ZNF99: variants seen among roughly 807,000 people sequenced by gnomAD.
The protein encoded by ZNF99 is zinc finger protein 99.
ZNF99 carries 8 observed loss-of-function variants against 12.8 expected under a neutral mutation model. The ratio of observed to expected loss-of-function variants is 0.62; its 90% confidence interval spans 0.37 to 1.13. ZNF99 has a LOEUF of 1.13. Among genes scored for constraint, ZNF99 ranks in the 50% most tolerant of loss-of-function variants. The pLI is 0.02. For missense variants in ZNF99, 1,007 were observed against 1,006.2 expected, an observed-to-expected ratio of 1.00 and a Z score of -0.01; for synonymous variants, 318 against 319.0, an observed-to-expected ratio of 1.00 and a Z score of 0.03.
intron 3 of ZNF99, among the ~76,000 whole-genome samples, chr19:22,767,107 C>CAAAAAAAAAA (rs35316902): frequency 3.7e-5 from 3 of 81,748 alleles, no homozygotes; most frequent in Non-Finnish European, 8.5e-5. Context: ...CTGTCTCTAC[C>CAAAAAAAAAA]AAAAAAAAAA....
chr19:22,783,375 A>G (rs927365588), intron 1 of ZNF99, among the ~76,000 whole-genome samples: 4 of 152,158 alleles, frequency 2.6e-5, no homozygotes, highest in African/African-American at 9.7e-5. Flanking sequence ...AACCAACTAT[A>G]AACTACAATT....
rs752556885 is a variant in ZNF99 at position 22,758,140 on chromosome 19, T to A, written c.1769A>T (p.Glu590Val). ...ACATTCTTCACATTTGTAGGGTTTC[T>A]CCCCAGTATGAATTGCTTTATGTCT... ...LTRHKAIHTG[E>V]KPYKCEECGK... Residue 590 changes from glutamate (E) to valine (V), a missense_variant, in exon 4 of 4, where the codon GAG becomes GTG. Glu to Val is a moderately radical substitution (Grantham distance 121, BLOSUM62 -2). Transcript: ENST00000596209. 6.8e-6 allele frequency: 11 copies of A among 1,613,560 alleles called. No individual in the cohort carries two copies. Among genetic ancestry groups the A allele is most frequent in the South Asian group, 6.6e-5 (6 of 91,038 alleles).
chr19:22,762,196 C>G (rs1410159033), intron 3 of ZNF99, among the ~76,000 whole-genome samples: 2 of 151,648 alleles, frequency 1.3e-5, no homozygotes, highest in Non-Finnish European at 2.9e-5. Flanking sequence ...ATAAATAAAA[C>G]AAAAACCTGG....
At position 22,756,899 on chromosome 19, in the gene ZNF99, C is replaced by T; in HGVS notation, c.*415G>A. ...AGGGTTTCTCTACAGTATGAATTAC[C>T]TTATGTTCCATAAGTTTTGAGACCA... On this transcript the variant is annotated 3_prime_UTR_variant, in exon 4 of 4. Transcript: ENST00000596209. 2 of 1,609,936 alleles carry T rather than the reference C, an allele frequency of 1.2e-6. No individual in the cohort carries two copies. The highest frequency in any genetic ancestry group is 1.7e-6 in the Non-Finnish European group (2 of 1,178,212).
At chr19:22,777,105 T>C (rs1973338266) in intron 1 of ZNF99, among the ~76,000 whole-genome samples, 1 of 152,110 alleles carries the variant, frequency 6.6e-6, no homozygotes, top group African/African-American at 2.4e-5. Context: ...TAAGCCAAGA[T>C]CATGTCACTG....
At chr19:22,778,263 A>G (rs973528296) in intron 1 of ZNF99, among the ~76,000 whole-genome samples, 1 of 152,062 alleles carries the variant, frequency 6.6e-6, no homozygotes, top group Non-Finnish European at 1.5e-5. Flanking sequence ...GGGCAGTGTG[A>G]TGGCCTGTGT....
Position 22,759,492 on chromosome 19 carries a change from A to T in ZNF99, c.417T>A (p.Thr139=). Residue 139 remains threonine (T), a synonymous_variant, in exon 4 of 4, where the codon ACT becomes ACA. Transcript: ENST00000596209. Reference sequence around the variant, plus strand: ...TACACTGAAATATTTTTCCCTGGGTAGTTGTCCAACATTGGTTAAGTTTAT... The same window carrying T: ...TACACTGAAATATTTTTCCCTGGGTTGTTGTCCAACATTGGTTAAGTTTAT... ...AYNKLNQCWT[T]TQGKIFQCNK... 1 of 1,606,826 alleles carries T rather than the reference A, an allele frequency of 6.2e-7. No individual in the cohort carries two copies. The highest frequency in any genetic ancestry group is 8.5e-7 in the Non-Finnish European group (1 of 1,177,458).
Position 22,756,083 on chromosome 19 carries a change from G to C in ZNF99, c.*1231C>G. ...AATTGTTTTCTGCCTATTAAGGCTT[G>C]AGGACTGGTTAAAAGCTTTGCCACA... On this transcript the variant is annotated 3_prime_UTR_variant, in exon 4 of 4. Transcript: ENST00000596209. The C allele has an allele frequency of 1.4e-6, 2 of 1,423,570 alleles. No homozygotes were observed. Among genetic ancestry groups the C allele is most frequent in the Non-Finnish European group, 9.4e-7 (1 of 1,059,350 alleles). The allele number at this position is 1,423,570 out of a possible 1,614,324, so 88.2% of individuals were successfully genotyped here.
At chr19:22,770,498 A>C (rs1973255991) in intron 1 of ZNF99, 1 of 152,480 alleles carries the variant, frequency 6.6e-6, no homozygotes, top group Non-Finnish European at 1.5e-5. Context: ...CTGGGACTAC[A>C]GGCGCGTGCC....
At chr19:22,771,658 C>T (rs980240940) in intron 1 of ZNF99, among the ~76,000 whole-genome samples, 1 of 150,436 alleles carries the variant, frequency 6.6e-6, no homozygotes, top group Non-Finnish European at 1.5e-5. Flanking sequence ...CCAGCTTTTC[C>T]CCAATAGGAA....
chr19:22,759,590 C>G lies in ZNF99; in HGVS notation c.319G>C (p.Gly107Arg). ...EIILRTYARC[G>R]HKNLRLRKDC... ...TTTCTTAATCGTAAATTCTTATGTC[C>G]ACATCTTGCATATGTTCTCAATATT... is the stretch of plus-strand genomic sequence containing the variant. The change falls in exon 4 of 4, where the codon GGA becomes CGA. Residue 107 changes from glycine to arginine, a missense_variant. Physicochemically the swap from Gly to Arg is moderately radical, Grantham distance 125. Coordinates refer to ENST00000596209, the MANE Select transcript of ZNF99 (RefSeq NM_001080409.3). 6.2e-7 allele frequency: 1 copy of G among 1,611,204 alleles called. No homozygotes were observed. Among genetic ancestry groups the G allele is most frequent in the Non-Finnish European group, 8.5e-7 (1 of 1,179,104 alleles).
Position 22,755,187 on chromosome 19 carries a change from GC to G in ZNF99, c.*2126del. The stretch of plus-strand genomic sequence containing the variant: ...GAGTTGAGGACTGGCTAAAAGCATT[GC>G]CACTTTCTTCACATTTGTAGGGTTT... On this transcript the variant is annotated 3_prime_UTR_variant, in exon 4 of 4. Coordinates refer to ENST00000596209, the MANE Select transcript of ZNF99 (RefSeq NM_001080409.3). 1 of 274,410 alleles carries G rather than the reference GC, an allele frequency of 3.6e-6. No homozygotes were observed. The highest frequency in any genetic ancestry group is 4.4e-5 in the Admixed American group (1 of 22,682). The allele number at this position is 274,410 out of a possible 1,614,324, so 17.0% of individuals were successfully genotyped here.
chr19:22,769,054 C>A (rs878961742), intron 2 of ZNF99, 144 bp downstream of exon 2: 2 of 744,854 alleles, frequency 2.7e-6, no homozygotes, highest in African/African-American at 1.9e-5. Context: ...AAATTCTTTT[C>A]TACACTTTCA....
chr19:22,765,946 T>C lies in ZNF99; in HGVS notation c.226+2359A>G, dbSNP rs554896212. Among the ~76,000 whole-genome samples the C allele has an allele frequency of 2.6e-5, 4 of 152,238 alleles. No individual in the cohort carries two copies. The South Asian group carries it at 8.3e-4, about 32-fold the overall frequency. ...TAAACATACAGACACATATAAAATG[T>C]CTTACTATAATAATAGGCATAATAC... On this transcript the variant is annotated intron_variant, in intron 3 of 3. Coordinates refer to ENST00000596209, the MANE Select transcript of ZNF99 (RefSeq NM_001080409.3).
chr19:22,765,492 T>A (rs1488840891), intron 3 of ZNF99, among the ~76,000 whole-genome samples: 3 of 148,084 alleles, frequency 2.0e-5, no homozygotes, highest in Non-Finnish European at 3.0e-5. Context: ...AAAAATAAAA[T>A]AAATAAAAAA....
In ZNF99 at chr19:22,756,378, G is replaced by T. The variant is rs1489210739; in HGVS notation, c.*936C>A. 6.3e-7 allele frequency: 1 copy of T among 1,596,166 alleles called. No individual in the cohort carries two copies. The highest frequency in any genetic ancestry group is 1.5e-5 in the African/African-American group (1 of 66,570). On this transcript the variant is annotated 3_prime_UTR_variant, in exon 4 of 4. Coordinates refer to ENST00000596209, the MANE Select transcript of ZNF99 (RefSeq NM_001080409.3). ...TTGCCACATTCTTCACATTTGTAGG[G>T]TTTCTCTCCAGAATGAATTATCTTA...
At chr19:22,770,927 C>G (rs1973261096) in intron 1 of ZNF99, 1 of 150,844 alleles carries the variant, frequency 6.6e-6, no homozygotes, top group African/African-American at 2.5e-5. Context: ...ATCTCCTAAC[C>G]ATTTTTTTCA....
At chr19:22,762,109 C>A in intron 3 of ZNF99, among the ~76,000 whole-genome samples, 1 of 150,250 alleles carries the variant, frequency 6.7e-6, no homozygotes. Context: ...CAAACCCAAA[C>A]CCAGAAGAAG....
At position 22,757,545 on chromosome 19, in the gene ZNF99, G is replaced by A; in HGVS notation, c.2364C>T (p.Pro788=). The change falls in exon 4 of 4, where the codon CCC becomes CCT. Residue 788 remains proline (P), a synonymous_variant. Transcript: ENST00000596209. ...CTTTGCCACATTCTTCACATTTATAGGGTTTCTTTCCAGTATGAATTATCT... is the reference window on the plus strand; with the variant it reads ...CTTTGCCACATTCTTCACATTTATAAGGTTTCTTTCCAGTATGAATTATCT... ...KHKIIHTGKK[P]YKCEECGKAF... 1 of 1,610,372 alleles carries A rather than the reference G, an allele frequency of 6.2e-7. No homozygotes were observed. Among genetic ancestry groups the A allele is most frequent in the Non-Finnish European group, 8.5e-7 (1 of 1,179,396 alleles).
Sources: allele counts gnomAD v4.1 joint callset (sites outside exome capture counted in the v4.1 genomes callset), GRCh38; gene constraint gnomAD v4.1.1; transcripts MANE v1.5; gene names NCBI Gene and HGNC (gene_info 2026-07-23, HGNC 2026-07-21).